PPP1R16B: variants seen among roughly 807,000 people sequenced by gnomAD.
PPP1R16B encodes protein phosphatase 1 regulatory inhibitor subunit 16B.
Under a neutral mutation model 61.7 loss-of-function variants are expected in PPP1R16B, and 14 were observed. The ratio of observed to expected loss-of-function variants is 0.23; its 90% CI spans 0.15 to 0.35. The LOEUF is 0.35. Among genes scored for constraint, PPP1R16B ranks in the 10% least tolerant of loss-of-function variants. The pLI, the probability that PPP1R16B is intolerant of heterozygous loss-of-function variation, is 1.00. For synonymous variants in PPP1R16B, 266 were observed against 305.3 expected, an observed-to-expected ratio of 0.87 and a Z score of 1.34; for missense variants, 547 against 752.5, an observed-to-expected ratio of 0.73 and a Z score of 3.19.
Position 38,918,724 on chromosome 20 carries a change from C to T in PPP1R16B, c.*58C>T. 2 of 1,468,498 alleles carry T rather than the reference C, an allele frequency of 1.4e-6. No homozygotes were observed. The highest frequency in any genetic ancestry group is 1.8e-6 in the Non-Finnish European group (2 of 1,112,196). The allele number at this position is 1,468,498 out of a possible 1,614,324, so 91.0% of individuals were successfully genotyped here. A position where few individuals can be genotyped will look rare whatever the true frequency, so the allele number is the denominator to read the frequency against. ...GAGGGGCTCCTGGAATCCAGGCCAG[C>T]CCAACAGCCCTGGCTGGGGAGGTGT... On this transcript the variant is annotated 3_prime_UTR_variant, in exon 11 of 11. Transcript: ENST00000299824. The surrounding 1 kb of genome is among the most constrained non-coding windows in gnomAD (Gnocchi z 5.3).
chr20:38,913,917 C>T (rs373646894), intron 10 of PPP1R16B, among the ~76,000 whole-genome samples: 16 of 152,244 alleles, frequency 1.1e-4, no homozygotes, highest in Middle Eastern at 3.4e-3. Flanking sequence ...TACCGCTGGG[C>T]GCAGTGGCTC....
At chr20:38,835,003 G>C (rs2084860350) in intron 1 of PPP1R16B, among the ~76,000 whole-genome samples, 1 of 152,268 alleles carries the variant, frequency 6.6e-6, no homozygotes, top group South Asian at 2.1e-4. Context: ...ATAGCTTTGG[G>C]AACCACTGTA....
chr20:38,807,003 C>T (rs1488767853), intron 1 of PPP1R16B, among the ~76,000 whole-genome samples: 2 of 152,192 alleles, frequency 1.3e-5, no homozygotes, highest in African/African-American at 4.8e-5. Flanking sequence ...TCAGAAGAGC[C>T]CCCCAGCTCT....
At chr20:38,896,506 G>C (rs1191996212) in intron 4 of PPP1R16B, among the ~76,000 whole-genome samples, 1 of 150,316 alleles carries the variant, frequency 6.7e-6, no homozygotes, top group Non-Finnish European at 1.5e-5. Flanking sequence ...TTCTATCTCT[G>C]TCTCTCCTTC....
intron 1 of PPP1R16B, among the ~76,000 whole-genome samples, chr20:38,817,468 G>A (rs1228298621): frequency 1.3e-5 from 2 of 151,706 alleles, no homozygotes; most frequent in Non-Finnish European, 2.9e-5. Context: ...AGGAGGCTGA[G>A]GCAAGAGAAT....
intron 10 of PPP1R16B, among the ~76,000 whole-genome samples, chr20:38,913,918 G>A (rs1292984474): frequency 1.3e-5 from 2 of 152,192 alleles, no homozygotes; most frequent in African/African-American, 2.4e-5. Flanking sequence ...ACCGCTGGGC[G>A]CAGTGGCTCA....
Position 38,844,981 on chromosome 20 carries a change from ACC to A in PPP1R16B, c.250+8810_250+8811del, listed in dbSNP as rs551992340. Among the ~76,000 whole-genome samples, 438 of 105,740 alleles carry A rather than the reference ACC, an allele frequency of 4.1e-3. 1 individual carries two copies. Among genetic ancestry groups the A allele is most frequent in the Middle Eastern group, 0.012 (3 of 254 alleles). The allele number at this position is 105,740 out of a possible 152,430, so 69.4% of individuals were successfully genotyped here. On this transcript the variant is annotated intron_variant, in intron 2 of 10. Transcript: ENST00000299824. ...TGGGAGATCTTACCCACCCCACCCC[ACC>A]CCCTGGGCCTGAAGGAGACAAGGAA...
intron 1 of PPP1R16B, among the ~76,000 whole-genome samples, chr20:38,816,744 C>G (rs1463320164): frequency 6.6e-6 from 1 of 152,200 alleles, no homozygotes; most frequent in Non-Finnish European, 1.5e-5. Context: ...CAAATCCCCT[C>G]AGCAGCGATA....
intron 1 of PPP1R16B, among the ~76,000 whole-genome samples, chr20:38,823,988 A>G (rs1395154599): frequency 6.6e-6 from 1 of 152,170 alleles, no homozygotes; most frequent in Non-Finnish European, 1.5e-5. Context: ...AGACTGACCA[A>G]TCAAAACAGA....
intron 2 of PPP1R16B, among the ~76,000 whole-genome samples, chr20:38,840,848 G>A (rs1951531021): frequency 1.3e-5 from 2 of 152,222 alleles, no homozygotes; most frequent in Non-Finnish European, 2.9e-5. Context: ...AAATGAGGAT[G>A]ATGATGTACC....
chr20:38,898,920 C>G (rs2085370433), intron 4 of PPP1R16B, among the ~76,000 whole-genome samples: 2 of 152,136 alleles, frequency 1.3e-5, no homozygotes, highest in Admixed American at 6.5e-5. Flanking sequence ...ATTGGTATCA[C>G]CCAGAGCTGG....
intron 2 of PPP1R16B, among the ~76,000 whole-genome samples, chr20:38,859,754 G>A (rs2085034653): frequency 6.6e-6 from 1 of 152,154 alleles, no homozygotes; most frequent in African/African-American, 2.4e-5. Flanking sequence ...GCCTCCCAAG[G>A]TGTTGGGGTT....
chr20:38,892,825 G>A (rs1222047377), intron 3 of PPP1R16B, among the ~76,000 whole-genome samples: 1 of 152,188 alleles, frequency 6.6e-6, no homozygotes, highest in Non-Finnish European at 1.5e-5. Context: ...GAATAAGGCA[G>A]AACATTCAAA....
chr20:38,921,823 A>G lies in PPP1R16B; in HGVS notation c.*3157A>G, dbSNP rs1315551873. 6.6e-6 allele frequency: 1 copy of G among 152,218 alleles called. No homozygotes were observed. Among genetic ancestry groups the G allele is most frequent in the Admixed American group, 6.5e-5 (1 of 15,280 alleles). 9.4% of individuals were successfully genotyped at this position (152,218 alleles called of 1,614,324 possible). ...CATAGTCCCCTCACCCCACTAATGG[A>G]TAATGGGAGGAAAAGTTGCTGCTTC... On this transcript the variant is annotated 3_prime_UTR_variant, in exon 11 of 11. Transcript: ENST00000299824.
chr20:38,906,156 T>A, intron 7 of PPP1R16B, 62 bp downstream of exon 7: 14 of 1,549,750 alleles, frequency 9.0e-6, no homozygotes, highest in Non-Finnish European at 1.2e-5. Context: ...TGACACCAAG[T>A]TTTTTGGGCT....
Position 38,902,699 on chromosome 20 carries a change from G to C in PPP1R16B, c.603G>C (p.Arg201=), listed in dbSNP as rs1354817190. 6.2e-7 allele frequency: 1 copy of C among 1,614,218 alleles called. No individual in the cohort carries two copies. The highest frequency in any genetic ancestry group is 2.2e-5 in the East Asian group (1 of 44,886). Residue 201 remains arginine, a synonymous_variant, in exon 6 of 11, where the codon CGG becomes CGC. Transcript: ENST00000299824. The part of the protein sequence containing the change: ...GITQEKINEM[R]VAPEQQMIAD... Reference sequence around the variant, plus strand: ...CCCAAGAGAAAATCAACGAGATGCGGGTGGCTCCTGAGCAGCAGATGATTG... The same window carrying C: ...CCCAAGAGAAAATCAACGAGATGCGCGTGGCTCCTGAGCAGCAGATGATTG...
chr20:38,822,819 G>A (rs949231736), intron 1 of PPP1R16B, among the ~76,000 whole-genome samples: 9 of 152,242 alleles, frequency 5.9e-5, no homozygotes, highest in Admixed American at 1.3e-4. Context: ...GAGTGTTCAG[G>A]AATTTGCTGA....
intron 2 of PPP1R16B, among the ~76,000 whole-genome samples, chr20:38,875,969 A>AT (rs2085162864): frequency 8.5e-5 from 9 of 105,348 alleles, no homozygotes; most frequent in African/African-American, 3.2e-4. Context: ...GTGGTTTTGA[A>AT]CTTTTTTTTT....
Position 38,918,740 on chromosome 20 carries a change from G to T in PPP1R16B, c.*74G>T, listed in dbSNP as rs1371407217. 1.2e-5 allele frequency: 17 copies of T among 1,436,462 alleles called. No homozygotes were observed. Among genetic ancestry groups the T allele is most frequent in the Non-Finnish European group, 1.3e-5 (14 of 1,090,972 alleles). The allele number at this position is 1,436,462 out of a possible 1,614,324, so 89.0% of individuals were successfully genotyped here. A position where few individuals can be genotyped will look rare whatever the true frequency, so the allele number is the denominator to read the frequency against. ...CCAGGCCAGCCCAACAGCCCTGGCTGGGGAGGTGTCAGGGCAGCTGGGGAG... is the reference window on the plus strand; with the variant it reads ...CCAGGCCAGCCCAACAGCCCTGGCTTGGGAGGTGTCAGGGCAGCTGGGGAG... On this transcript the variant is annotated 3_prime_UTR_variant, in exon 11 of 11. Coordinates refer to ENST00000299824, the MANE Select transcript of PPP1R16B (RefSeq NM_015568.4). This position sits in a 1 kb window ranked among gnomAD's most constrained non-coding sequence, Gnocchi z 5.3.
Sources: allele counts gnomAD v4.1 joint callset (sites outside exome capture counted in the v4.1 genomes callset), GRCh38; gene constraint gnomAD v4.1.1; non-coding constraint Gnocchi (gnomAD v3.1); transcripts MANE v1.5; gene names NCBI Gene and HGNC (gene_info 2026-07-23, HGNC 2026-07-21).